The following DMD variants were observed in gnomAD, a reference collection of about 807,000 sequenced individuals.
DMD encodes dystrophin.
A neutral mutation model predicts 330.1 loss-of-function variants in DMD; 63 were observed. The ratio of observed to expected loss-of-function variants is 0.19; its 90% confidence interval spans 0.16 to 0.24. The LOEUF (loss-of-function observed/expected upper bound fraction) is 0.24, where lower values mean the gene tolerates loss of function less well. DMD is among the 10% of genes least tolerant of loss of function. The probability of loss-of-function intolerance (pLI) is 1.00; values close to 1 mark genes in which losing one functional copy is unlikely to be tolerated. For missense variants in DMD, 3,344 were observed against 2,684.1 expected, an observed-to-expected ratio of 1.25 and a Z score of -5.43; for synonymous variants, 1,223 against 959.8, an observed-to-expected ratio of 1.27 and a Z score of -5.07.
chrX:33,230,774 A>G (rs926937518), intron 1 of DMD, among the ~76,000 whole-genome samples: 7 of 111,160 alleles, frequency 6.3e-5, no homozygotes, highest in African/African-American at 2.3e-4. Context: ...AGGTGGACGT[A>G]TACATCAAAA....
intron 71 of DMD, among the ~76,000 whole-genome samples, chrX:31,175,676 C>T (rs907742370): frequency 1.2e-4 from 13 of 110,689 alleles, no homozygotes; most frequent in Admixed American, 6.7e-4. Context: ...TACTGTTCCC[C>T]GCTTCCCACT....
At chrX:31,877,106 G>T (rs2093979797) in intron 47 of DMD, among the ~76,000 whole-genome samples, 1 of 111,776 alleles carries the variant, frequency 8.9e-6, no homozygotes, top group Admixed American at 9.5e-5. Context: ...AGAGAAAGTT[G>T]TCGAGAAAAA....
chrX:31,569,327 C>G (rs1441243246), intron 55 of DMD, among the ~76,000 whole-genome samples: 1 of 109,099 alleles, frequency 9.2e-6, no homozygotes, highest in Non-Finnish European at 1.9e-5. Context: ...CTTAGGAAAA[C>G]CTTAGGAGTT....
At chrX:31,885,302 G>T (rs972999522) in intron 47 of DMD, among the ~76,000 whole-genome samples, 129 of 111,157 alleles carry the variant, frequency 1.2e-3, no homozygotes, top group Admixed American at 5.0e-3. Flanking sequence ...ATACTTTCCA[G>T]TATCTTTCAA....
At chrX:32,398,994 G>A (rs1217625604) in intron 30 of DMD, among the ~76,000 whole-genome samples, 1 of 111,765 alleles carries the variant, frequency 8.9e-6, no homozygotes, top group Non-Finnish European at 1.9e-5. Flanking sequence ...TTGGGGAAAG[G>A]AGTCCTTCAA....
chrX:31,178,334 G>C, intron 70 of DMD: 3 of 970,648 alleles, frequency 3.1e-6, no homozygotes, highest in Non-Finnish European at 3.9e-6. Context: ...ATTTGTGAGA[G>C]AGGAAAATCA....
chrX:31,705,402 A>C (rs1163923422), intron 52 of DMD, among the ~76,000 whole-genome samples: 1 of 112,895 alleles, frequency 8.9e-6, no homozygotes, highest in Non-Finnish European at 1.9e-5. Context: ...GGGTTATAAA[A>C]ACCTCACAAT....
At chrX:32,282,252 C>G (rs931818473) in intron 43 of DMD, among the ~76,000 whole-genome samples, 3 of 111,639 alleles carry the variant, frequency 2.7e-5, no homozygotes, top group African/African-American at 9.8e-5. Flanking sequence ...TTAGTAGGCC[C>G]TTCTTAAGTG....
At position 32,393,630 on chromosome X, in the gene DMD, G is replaced by T. The variant is rs747529898; in HGVS notation, c.4234-3449C>A. On this transcript the variant is annotated intron_variant, in intron 30 of 78. Coordinates refer to ENST00000357033, the MANE Select transcript of DMD (RefSeq NM_004006.3). ...AGAAAGAGGGAAACAGGGTACATTT[G>T]TATAATATGTATTTTTTCAGTGTTT... Among the ~76,000 whole-genome samples the T allele has an allele frequency of 1.3e-4, 15 of 111,261 alleles. No homozygotes were observed. The East Asian group carries it at 4.2e-3, about 31-fold the overall frequency.
chrX:32,125,713 C>T (rs1394391114), intron 44 of DMD, among the ~76,000 whole-genome samples: 4 of 111,659 alleles, frequency 3.6e-5, no homozygotes, highest in Non-Finnish European at 7.5e-5. Flanking sequence ...CAGAATCAAA[C>T]CCTGTTTAAT....
intron 44 of DMD, among the ~76,000 whole-genome samples, chrX:32,207,669 G>GCA (rs1468604669): frequency 8.0e-5 from 9 of 112,008 alleles, no homozygotes; most frequent in Non-Finnish European, 1.5e-4. Context: ...TTGAAGGATA[G>GCA]CACTGGTTAT....
At chrX:33,225,085 T>C (rs188803960) in intron 1 of DMD, among the ~76,000 whole-genome samples, 109 of 111,231 alleles carry the variant, frequency 9.8e-4, no homozygotes, top group African/African-American at 3.4e-3. Context: ...ATTGTGCTCG[T>C]GGATTGAGAG....
At chrX:32,991,815 T>C (rs2092987015) in intron 2 of DMD, among the ~76,000 whole-genome samples, 1 of 112,011 alleles carries the variant, frequency 8.9e-6, no homozygotes, top group South Asian at 3.7e-4. Flanking sequence ...TAACATAATT[T>C]TGACCAAAAG....
At chrX:31,988,429 A>C (rs1049651255) in intron 44 of DMD, among the ~76,000 whole-genome samples, 10 of 92,562 alleles carry the variant, frequency 1.1e-4, no homozygotes, top group South Asian at 6.4e-4. Context: ...AGCCGAGATC[A>C]TGCCACTGCA....
chrX:31,619,793 G>A (rs180709677), intron 55 of DMD, among the ~76,000 whole-genome samples: 1 of 111,924 alleles, frequency 8.9e-6, no homozygotes, highest in South Asian at 3.7e-4. Flanking sequence ...AGGTTTTAAA[G>A]GTTTTAATAC....
chrX:33,288,885 C>G (rs2053472973), intron 1 of DMD, among the ~76,000 whole-genome samples: 1 of 111,155 alleles, frequency 9.0e-6, no homozygotes, highest in African/African-American at 3.3e-5. Context: ...TGCCAACTAA[C>G]TTGCACAGTG....
At chrX:31,990,568 A>G (rs1293793020) in intron 44 of DMD, among the ~76,000 whole-genome samples, 2 of 112,486 alleles carry the variant, frequency 1.8e-5, no homozygotes, top group Non-Finnish European at 3.8e-5. Flanking sequence ...AATACGTACA[A>G]CCACAAAGTT....
At chrX:32,367,696 T>A (rs1463845835) in intron 34 of DMD, among the ~76,000 whole-genome samples, 1 of 111,921 alleles carries the variant, frequency 8.9e-6, no homozygotes, top group African/African-American at 3.2e-5. Context: ...TCCAGCTAAT[T>A]TAAACAATGT....
intron 55 of DMD, among the ~76,000 whole-genome samples, chrX:31,522,681 G>C (rs767301022): frequency 9.1e-6 from 1 of 110,131 alleles, no homozygotes; most frequent in African/African-American, 3.3e-5. Context: ...TTGGGTTTCT[G>C]GCTTAGAGAA....
Sources: allele counts gnomAD v4.1 joint callset (sites outside exome capture counted in the v4.1 genomes callset), GRCh38; gene constraint gnomAD v4.1.1; transcripts MANE v1.5; gene names NCBI Gene and HGNC (gene_info 2026-07-23, HGNC 2026-07-21).